The following RNF13 variants were observed in gnomAD, a reference collection of about 807,000 sequenced individuals.
RNF13 encodes E3 ubiquitin-protein ligase RNF13.
RNF13 carries 19 observed loss-of-function variants against 37.7 expected under a neutral mutation model. The ratio of observed to expected loss-of-function variants is 0.50; its 90% CI spans 0.35 to 0.74. The LOEUF (loss-of-function observed/expected upper bound fraction) is 0.74, where lower values mean the gene tolerates loss of function less well. Ranked by LOEUF, RNF13 falls within the 30% of genes least tolerant of loss-of-function variation. RNF13 has a pLI of 0.01. For synonymous variants in RNF13, 144 were observed against 157.8 expected (o/e 0.91, Z 0.65); for missense variants, 375 against 453.0 (o/e 0.83, Z 1.56).
intron 5 of RNF13, among the ~76,000 whole-genome samples, chr3:149,901,854 G>A (rs936065293): frequency 1.3e-5 from 2 of 152,084 alleles, no homozygotes; most frequent in African/African-American, 4.8e-5. Flanking sequence ...AGAGAATTCA[G>A]GTAATGTGTA....
chr3:149,933,653 G>A (rs1320010375), intron 8 of RNF13, among the ~76,000 whole-genome samples: 3 of 146,722 alleles, frequency 2.0e-5, no homozygotes, highest in East Asian at 4.0e-4. Context: ...GTGTGATCTC[G>A]GCTCACTGTA....
intron 1 of RNF13, among the ~76,000 whole-genome samples, chr3:149,819,496 C>A (rs551258977): frequency 1.3e-5 from 2 of 152,138 alleles, no homozygotes; most frequent in Non-Finnish European, 2.9e-5. Flanking sequence ...GTGCTAGATG[C>A]TAGGTATTGT....
At chr3:149,949,862 C>T (rs1056369623) in intron 8 of RNF13, among the ~76,000 whole-genome samples, 10 of 151,716 alleles carry the variant, frequency 6.6e-5, no homozygotes, top group African/African-American at 2.2e-4. Context: ...AATCCCTAGT[C>T]ATTATAACTT....
chr3:149,852,688 C>T (rs1723221129), intron 3 of RNF13, 92 bp downstream of exon 3: 1 of 579,950 alleles, frequency 1.7e-6, no homozygotes, highest in South Asian at 3.2e-5. Context: ...TCATTTCTTA[C>T]TATTTATTAT....
intron 4 of RNF13, among the ~76,000 whole-genome samples, chr3:149,889,535 C>T (rs1003453740): frequency 2.0e-5 from 3 of 150,296 alleles, no homozygotes; most frequent in East Asian, 2.0e-4. Flanking sequence ...TATCTCTTGA[C>T]CTCGTGATCT....
At chr3:149,939,453 T>A in intron 8 of RNF13, 1 of 556,418 alleles carries the variant, frequency 1.8e-6, no homozygotes, top group Non-Finnish European at 3.5e-6. Context: ...CCACAGCTAC[T>A]AAGTGCTGTC....
At chr3:149,926,298 G>A (rs528913600) in intron 8 of RNF13, among the ~76,000 whole-genome samples, 5 of 152,112 alleles carry the variant, frequency 3.3e-5, no homozygotes, top group African/African-American at 7.2e-5. Context: ...TGCAAGCTCC[G>A]CCTCCCGAGT....
At chr3:149,960,687 TA>T (rs1341291640) in intron 9 of RNF13, 52 bp from the exon 10 acceptor site, 1 of 1,513,474 alleles carries the variant, frequency 6.6e-7, no homozygotes, top group South Asian at 1.3e-5. Context: ...AGATTAAATA[TA>T]AAAGTATCAA....
chr3:149,882,166 C>T (rs540759590), intron 4 of RNF13, among the ~76,000 whole-genome samples: 1 of 151,202 alleles, frequency 6.6e-6, no homozygotes, highest in Non-Finnish European at 1.5e-5. Context: ...ATGATGATCT[C>T]GAGTAACTGG....
chr3:149,945,677 A>G (rs1244969576), intron 8 of RNF13, among the ~76,000 whole-genome samples: 1 of 152,192 alleles, frequency 6.6e-6, no homozygotes, highest in Non-Finnish European at 1.5e-5. Flanking sequence ...CAGTAGGGGC[A>G]GACTGACACC....
At chr3:149,887,014 G>A (rs1381302634) in intron 4 of RNF13, among the ~76,000 whole-genome samples, 1 of 151,988 alleles carries the variant, frequency 6.6e-6, no homozygotes, top group African/African-American at 2.4e-5. Context: ...ACTATGATCG[G>A]AGAATATACT....
chr3:149,940,699 A>G (rs963115611), intron 8 of RNF13, among the ~76,000 whole-genome samples: 1 of 152,106 alleles, frequency 6.6e-6, no homozygotes, highest in Non-Finnish European at 1.5e-5. Flanking sequence ...TTGTAGAAAA[A>G]CACATAACAA....
At chr3:149,958,769 T>C (rs186094187) in intron 8 of RNF13, among the ~76,000 whole-genome samples, 73 of 152,356 alleles carry the variant, frequency 4.8e-4, no homozygotes, top group Non-Finnish European at 9.7e-4. Flanking sequence ...AGTCTTCTAA[T>C]AGTTGAGTCT....
intron 8 of RNF13, among the ~76,000 whole-genome samples, chr3:149,925,820 C>G (rs1718579625): frequency 1.3e-5 from 2 of 152,112 alleles, no homozygotes; most frequent in African/African-American, 4.8e-5. Context: ...GTACCAATTT[C>G]TACTCTCACC....
chr3:149,892,795 G>C (rs1466602828), intron 4 of RNF13, among the ~76,000 whole-genome samples: 1 of 152,172 alleles, frequency 6.6e-6, no homozygotes, highest in African/African-American at 2.4e-5. Flanking sequence ...TTCCACAAAA[G>C]TAGTGCCTGG....
intron 8 of RNF13, chr3:149,939,382 T>C: frequency 2.0e-6 from 1 of 497,640 alleles, no homozygotes; most frequent in Non-Finnish European, 3.8e-6. Context: ...GCAGATCGCT[T>C]TCCAGATAAA....
chr3:149,931,581 G>A (rs1415950339), intron 8 of RNF13, among the ~76,000 whole-genome samples: 1 of 151,878 alleles, frequency 6.6e-6, no homozygotes, highest in Non-Finnish European at 1.5e-5. Flanking sequence ...TATAATAGTT[G>A]TACATATTTA....
At chr3:149,867,451 A>G (rs964045296) in intron 3 of RNF13, among the ~76,000 whole-genome samples, 1 of 151,370 alleles carries the variant, frequency 6.6e-6, no homozygotes, top group Admixed American at 6.6e-5. Flanking sequence ...TATTTTTAGT[A>G]GAGATGGGGT....
chr3:149,849,218 A>T (rs1314026615), intron 2 of RNF13, among the ~76,000 whole-genome samples: 1 of 152,222 alleles, frequency 6.6e-6, no homozygotes, highest in African/African-American at 2.4e-5. Context: ...TCCACAAGTG[A>T]CATGTTAGTT....
Sources: allele counts gnomAD v4.1 joint callset (sites outside exome capture counted in the v4.1 genomes callset), GRCh38; gene constraint gnomAD v4.1.1; transcripts MANE v1.5; gene names NCBI Gene and HGNC (gene_info 2026-07-23, HGNC 2026-07-21).